Variants in DOCK8 observed in about 807,000 individuals in gnomAD.
The protein encoded by DOCK8 is dedicator of cytokinesis protein 8.
DOCK8 carries 141 observed loss-of-function variants against 245.6 expected under a neutral mutation model. The ratio of observed to expected loss-of-function variants is 0.57; its 90% CI spans 0.50 to 0.66. The LOEUF (loss-of-function observed/expected upper bound fraction) is 0.66, where lower values mean the gene tolerates loss of function less well. Ranked by LOEUF, DOCK8 falls within the 30% of genes least tolerant of loss-of-function variation. The pLI is 0.00. For synonymous variants in DOCK8, 1,168 were observed against 970.2 expected, an observed-to-expected ratio of 1.20 and a Z score of -3.79; for missense variants, 2,965 against 2,603.4, an observed-to-expected ratio of 1.14 and a Z score of -3.02.
At chr9:286,388 A>G in intron 2 of DOCK8, 73 bp from the exon 3 acceptor site, 1 of 1,538,364 alleles carries the variant, frequency 6.5e-7, no homozygotes, top group Non-Finnish European at 8.9e-7. Flanking sequence ...CAAGGCAAAC[A>G]TCTACTATTG....
chr9:376,907 T>C, intron 19 of DOCK8, 70 bp from the exon 20 acceptor site: 1 of 1,358,476 alleles, frequency 7.4e-7, no homozygotes, highest in Non-Finnish European at 1.0e-6. Context: ...GCTATTCGAT[T>C]GTGTTTGTGA....
At chr9:401,073 T>C (rs1481622899) in intron 26 of DOCK8, among the ~76,000 whole-genome samples, 4 of 3,420 alleles carry the variant, frequency 1.2e-3, no homozygotes, top group African/African-American at 3.4e-3. Flanking sequence ...GTCACCATCA[T>C]CACCACCACC....
intron 7 of DOCK8, 55 bp from the exon 8 acceptor site, chr9:325,616 A>G (rs1319301603): frequency 6.6e-7 from 1 of 1,504,290 alleles, no homozygotes. Context: ...GTTTTCAGAA[A>G]ATTCAAAATT....
intron 5 of DOCK8, among the ~76,000 whole-genome samples, chr9:311,285 TAAAA>T (rs57814753): frequency 7.1e-6 from 1 of 141,732 alleles, no homozygotes; most frequent in Non-Finnish European, 1.5e-5. Context: ...ACTCGGTCTT[TAAAA>T]AAAAAAAAAA....
chr9:262,324 T>C (rs901649806), intron 1 of DOCK8, among the ~76,000 whole-genome samples: 3 of 151,802 alleles, frequency 2.0e-5, no homozygotes, highest in African/African-American at 7.2e-5. Flanking sequence ...AACTGGTCAT[T>C]TACCCAAGAG....
intron 30 of DOCK8, chr9:420,187 C>T: frequency 3.3e-6 from 2 of 611,872 alleles, no homozygotes; most frequent in Non-Finnish European, 5.8e-6. Context: ...CCAGGTGAGC[C>T]TCTTTGCTGA....
At chr9:432,875 A>G (rs931700531) in intron 37 of DOCK8, among the ~76,000 whole-genome samples, 1 of 152,194 alleles carries the variant, frequency 6.6e-6, no homozygotes, top group Non-Finnish European at 1.5e-5. Flanking sequence ...TCCTAAGGAA[A>G]TGTGTAAGGA....
intron 45 of DOCK8, among the ~76,000 whole-genome samples, chr9:451,478 C>G (rs1043195645): frequency 2.6e-5 from 4 of 151,748 alleles, no homozygotes; most frequent in African/African-American, 7.3e-5. Context: ...ACAAAAATAG[C>G]CAGGTATAGT....
chr9:441,793 A>T, intron 41 of DOCK8, 82 bp from the exon 42 acceptor site: 1 of 1,570,722 alleles, frequency 6.4e-7, no homozygotes, highest in Non-Finnish European at 8.7e-7. Flanking sequence ...TGTTAACACA[A>T]TGAGAGACCC....
intron 11 of DOCK8, 48 bp from the exon 12 acceptor site, chr9:336,534 G>A (rs2051320075): frequency 6.2e-7 from 1 of 1,613,364 alleles, no homozygotes; most frequent in South Asian, 1.1e-5. Flanking sequence ...ACTGCTGTGT[G>A]TTTGAACAGA....
intron 14 of DOCK8, among the ~76,000 whole-genome samples, chr9:346,483 T>C (rs10814023): frequency 0.65 from 98,187 of 151,756 alleles, 32,074 homozygotes; most frequent in East Asian, 0.84. Flanking sequence ...GTCCCTTTAA[T>C]GGGTGATTAC....
At chr9:433,190 A>G (rs960889423) in intron 37 of DOCK8, among the ~76,000 whole-genome samples, 2 of 152,196 alleles carry the variant, frequency 1.3e-5, no homozygotes, top group Non-Finnish European at 2.9e-5. Context: ...GTATTCACCA[A>G]CAAGACCAAT....
chr9:433,605 ATTTAAACAAAAATG>A (rs1195416870), intron 37 of DOCK8, among the ~76,000 whole-genome samples: 4 of 152,202 alleles, frequency 2.6e-5, no homozygotes, highest in Admixed American at 2.0e-4. Context: ...GTTCAAACTA[ATTTAAACAAAAATG>A]TTGGAGATAG....
chr9:404,405 G>C (rs4237148), intron 26 of DOCK8, among the ~76,000 whole-genome samples: 88,795 of 151,894 alleles, frequency 0.58, 28,244 homozygotes, highest in African/African-American at 0.84. Flanking sequence ...TATGTACTTT[G>C]CTAAACAGTT....
intron 26 of DOCK8, among the ~76,000 whole-genome samples, chr9:401,744 ACCTCT>A (rs1461259720): frequency 6.6e-6 from 1 of 151,652 alleles, no homozygotes; most frequent in African/African-American, 2.4e-5. Context: ...TTTACATAAC[ACCTCT>A]CCTCCAAAAA....
At chr9:378,890 A>G (rs2053624432) in intron 20 of DOCK8, among the ~76,000 whole-genome samples, 6 of 152,254 alleles carry the variant, frequency 3.9e-5, no homozygotes. Flanking sequence ...TTTCACAGAC[A>G]GACAGTTTAC....
intron 27 of DOCK8, 41 bp downstream of exon 27, chr9:405,114 A>G (rs779112118): frequency 1.9e-6 from 3 of 1,576,732 alleles, no homozygotes; most frequent in South Asian, 2.2e-5. Context: ...TATTCAAGCT[A>G]TTTCATTTAA....
chr9:217,297 A>C (rs2046778121), intron 1 of DOCK8, among the ~76,000 whole-genome samples: 1 of 152,180 alleles, frequency 6.6e-6, no homozygotes, highest in Non-Finnish European at 1.5e-5. Context: ...CTAAGATAGA[A>C]AGGTAGGAAG....
At chr9:232,755 T>C (rs1370560371) in intron 1 of DOCK8, among the ~76,000 whole-genome samples, 1 of 150,494 alleles carries the variant, frequency 6.6e-6, no homozygotes, top group Non-Finnish European at 1.5e-5. Context: ...CCCTTTATCA[T>C]TTTTTACTGC....
Sources: allele counts gnomAD v4.1 joint callset (sites outside exome capture counted in the v4.1 genomes callset), GRCh38; gene constraint gnomAD v4.1.1; transcripts MANE v1.5; gene names NCBI Gene and HGNC (gene_info 2026-07-23, HGNC 2026-07-21).